Variants in CHRNA7 observed in about 807,000 individuals in gnomAD.
The protein encoded by CHRNA7 is cholinergic receptor nicotinic alpha 7 subunit, also known as neuronal acetylcholine receptor subunit alpha-7.
Under a neutral mutation model 48.0 loss-of-function variants are expected in CHRNA7, and 17 were observed. The ratio of observed to expected loss-of-function variants is 0.35; its 90% CI spans 0.24 to 0.53. The LOEUF is 0.53. CHRNA7 is among the 20% of genes least tolerant of loss of function. The pLI is 0.92. For synonymous variants in CHRNA7, 75 were observed against 242.3 expected, an observed-to-expected ratio of 0.31 and a Z score of 6.41; for missense variants, 155 against 577.7, an observed-to-expected ratio of 0.27 and a Z score of 7.50.
intron 2 of CHRNA7, among the ~76,000 whole-genome samples, chr15:32,054,772 A>G (rs760143873): frequency 1.6e-4 from 24 of 152,364 alleles, no homozygotes; most frequent in South Asian, 8.3e-4. Flanking sequence ...TTGTATGAAT[A>G]TAACAACATG....
At chr15:32,069,601 T>TATAC (rs1452420470) in intron 2 of CHRNA7, among the ~76,000 whole-genome samples, 2 of 152,162 alleles carry the variant, frequency 1.3e-5, no homozygotes, top group Non-Finnish European at 2.9e-5. Context: ...GAGCTATGAT[T>TATAC]ATACCACTGC....
chr15:32,102,196 GTGCAGTGGCGCAATCT>G (rs1013917004), intron 3 of CHRNA7: 1 of 152,178 alleles, frequency 6.6e-6, no homozygotes, highest in Non-Finnish European at 1.5e-5. Flanking sequence ...CTGGAGTGCA[GTGCAGTGGCGCAATCT>G]TGGCTTACTG....
chr15:32,039,012 G>A (rs1383990779), intron 2 of CHRNA7, among the ~76,000 whole-genome samples: 2 of 152,084 alleles, frequency 1.3e-5, no homozygotes, highest in Non-Finnish European at 2.9e-5. Flanking sequence ...CTTTCAAGGA[G>A]TAGTCCATTT....
At position 32,077,316 on chromosome 15, in the gene CHRNA7, A is replaced by G. The variant is rs147034308; in HGVS notation, c.196-23987A>G. On this transcript the variant is annotated intron_variant, in intron 2 of 9. Coordinates refer to ENST00000306901, the MANE Select transcript of CHRNA7 (RefSeq NM_000746.6). ...CAAATCCTTTGGGTAAATACCAAAG[A>G]GGGCAATTGCTGGATTAAATGGTAA... Among the ~76,000 whole-genome samples the G allele has an allele frequency of 3.5e-3, 539 of 152,310 alleles. 4 individuals carry two copies. The highest frequency in any genetic ancestry group is 0.012 in the African/African-American group (507 of 41,574).
At chr15:32,109,656 A>C (rs2050729676) in intron 3 of CHRNA7, among the ~76,000 whole-genome samples, 1 of 152,186 alleles carries the variant, frequency 6.6e-6, no homozygotes, top group Admixed American at 6.5e-5. Context: ...CAAATAACAC[A>C]GGTAAGCCCT....
chr15:32,046,663 C>G (rs1020231680), intron 2 of CHRNA7, among the ~76,000 whole-genome samples: 1 of 151,040 alleles, frequency 6.6e-6, no homozygotes, highest in African/African-American at 2.5e-5. Flanking sequence ...TGCAGAAGCT[C>G]TTTAGTTTAA....
chr15:32,154,791 C>T (rs1429918742), intron 5 of CHRNA7, among the ~76,000 whole-genome samples: 2 of 141,030 alleles, frequency 1.4e-5, no homozygotes, highest in Non-Finnish European at 3.0e-5. Context: ...ACACATACGA[C>T]TCACACACAC....
intron 2 of CHRNA7, among the ~76,000 whole-genome samples, chr15:32,065,518 AT>A (rs2049949480): frequency 6.6e-6 from 1 of 152,264 alleles, no homozygotes; most frequent in South Asian, 2.1e-4. Context: ...ACTGAGGAAG[AT>A]AATAAGCTAT....
intron 2 of CHRNA7, among the ~76,000 whole-genome samples, chr15:32,044,850 GC>G (rs770412011): frequency 6.6e-6 from 1 of 152,116 alleles, no homozygotes; most frequent in Non-Finnish European, 1.5e-5. Context: ...GAATTATCTG[GC>G]CCCCAATTTC....
At chr15:32,150,365 C>G (rs2051599228) in intron 4 of CHRNA7, among the ~76,000 whole-genome samples, 1 of 152,048 alleles carries the variant, frequency 6.6e-6, no homozygotes, top group African/African-American at 2.4e-5. Flanking sequence ...GACTATAGAC[C>G]ATGCTTTCTA....
Position 32,168,375 on chromosome 15 carries a change from T to TCGGCC in CHRNA7, c.1429_1430insCCCGG (p.Val477AlafsTer13). On this transcript the variant is annotated frameshift_variant, in exon 10 of 10. Coordinates refer to ENST00000306901, the MANE Select transcript of CHRNA7 (RefSeq NM_000746.6). LOFTEE classifies it high-confidence loss of function. ...GGACCGCCTGTGCCTCATGGCCTTC[T>TCGGCC]CGGTCTTCACCATCATCTGCACCAT... 4 of 760,270 alleles carry TCGGCC rather than the reference T, an allele frequency of 5.3e-6. No individual in the cohort carries two copies. The highest frequency in any genetic ancestry group is 5.9e-6 in the Non-Finnish European group (3 of 505,322). The allele number at this position is 760,270 out of a possible 1,614,324, so 47.1% of individuals were successfully genotyped here.
chr15:32,116,673 ACTCTGC>A (rs2050877123), intron 4 of CHRNA7, among the ~76,000 whole-genome samples: 1 of 151,632 alleles, frequency 6.6e-6, no homozygotes, highest in South Asian at 2.1e-4. Flanking sequence ...GAATCCCGCA[ACTCTGC>A]GGATGCCCCT....
Position 32,111,902 on chromosome 15 carries a change from A to G in CHRNA7, c.350+3A>G, listed in dbSNP as rs2050768392. 6.5e-7 allele frequency: 1 copy of G among 1,538,822 alleles called. No homozygotes were observed. Among genetic ancestry groups the G allele is most frequent in the Non-Finnish European group, 9.0e-7 (1 of 1,111,464 alleles). On this transcript the variant is annotated splice_donor_region_variant and intron_variant, in intron 4 of 9. Transcript: ENST00000306901. The stretch of plus-strand genomic sequence containing the variant: ...CCAGACATTCTTCTCTATAACAGGT[A>G]AGCATATTGAACAAAGGAAAAAAAT...
At chr15:32,143,923 A>C (rs188923893) in intron 4 of CHRNA7, among the ~76,000 whole-genome samples, 151 of 152,226 alleles carry the variant, frequency 9.9e-4, no homozygotes, top group African/African-American at 3.4e-3. Context: ...TTTGCATTTA[A>C]GGTTAATATT....
intron 4 of CHRNA7, among the ~76,000 whole-genome samples, chr15:32,113,162 C>G (rs2050791634): frequency 6.6e-6 from 1 of 152,120 alleles, no homozygotes. Flanking sequence ...GGCCAGAAGT[C>G]TGAATGAAGG....
chr15:32,037,419 G>A (rs1250198325), intron 2 of CHRNA7, among the ~76,000 whole-genome samples: 1 of 152,158 alleles, frequency 6.6e-6, no homozygotes, highest in East Asian at 1.9e-4. Context: ...GGTCTTTTGC[G>A]TCTCTCTATA....
intron 1 of CHRNA7, 61 bp downstream of exon 1, chr15:32,030,710 C>A: frequency 6.5e-7 from 1 of 1,540,764 alleles, no homozygotes; most frequent in Non-Finnish European, 8.7e-7. Flanking sequence ...ATCCCGGGCG[C>A]CTCTGTGCGC....
At chr15:32,127,046 T>C (rs756326756) in intron 4 of CHRNA7, among the ~76,000 whole-genome samples, 20 of 152,184 alleles carry the variant, frequency 1.3e-4, no homozygotes, top group Non-Finnish European at 5.9e-5. Flanking sequence ...TATACCCTTA[T>C]AGCCACATCC....
At chr15:32,100,833 G>GCGGCACCACTCACACAGGGTGCAA (rs1432858655) in intron 2 of CHRNA7, 63 of 166,322 alleles carry the variant, frequency 3.8e-4, no homozygotes, top group Non-Finnish European at 1.3e-4. Flanking sequence ...ACAGGGTGCA[G>GCGGCACCACTCACACAGGGTGCAA]CAGCTCCACA....
Sources: gnomAD v4.1 joint callset for allele counts (sites outside exome capture counted in the v4.1 genomes callset) on GRCh38, gnomAD v4.1.1 for gene constraint, MANE v1.5 for transcripts, NCBI Gene and HGNC (gene_info 2026-07-23, HGNC 2026-07-21) for gene names.